Variants in SMOC2 observed in about 807,000 individuals in gnomAD.
The protein encoded by SMOC2 is SPARC-related modular calcium-binding protein 2.
In SMOC2, 39 loss-of-function variants were observed where a neutral mutation model predicts 61.4. That is an observed-to-expected ratio of 0.64 (90% CI 0.49 to 0.83). The LOEUF is 0.83. Among genes scored for constraint, SMOC2 ranks in the 40% least tolerant of loss-of-function variants. The pLI is 0.00. For missense variants in SMOC2, 556 were observed against 592.9 expected (o/e 0.94, Z 0.65); for synonymous variants, 247 against 239.9 (o/e 1.03, Z -0.27).
chr6:168,633,789 C>T (rs1280876628), intron 9 of SMOC2, among the ~76,000 whole-genome samples: 1 of 152,106 alleles, frequency 6.6e-6, no homozygotes, highest in Non-Finnish European at 1.5e-5. Flanking sequence ...GGTTATGGCA[C>T]GGTGCTATGG....
intron 1 of SMOC2, among the ~76,000 whole-genome samples, chr6:168,490,788 G>A (rs1382672202): frequency 1.3e-5 from 2 of 152,160 alleles, no homozygotes; most frequent in Non-Finnish European, 2.9e-5. Flanking sequence ...CTGACCACAC[G>A]CTTACTGTGG....
chr6:168,518,327 G>A (rs903013945), intron 2 of SMOC2, among the ~76,000 whole-genome samples: 1 of 152,042 alleles, frequency 6.6e-6, no homozygotes, highest in African/African-American at 2.4e-5. Context: ...TGTTGCATGT[G>A]TGTATGCCTG....
In SMOC2 at chr6:168,541,363, T is replaced by G. The variant is rs961361806; in HGVS notation, c.464-2262T>G. Reference sequence around the variant, plus strand: ...AGGTGTTCACTGTCTGCAGACACTGTGCGTATCAGTCAACCCTTCTTTCTC... The same window carrying G: ...AGGTGTTCACTGTCTGCAGACACTGGGCGTATCAGTCAACCCTTCTTTCTC... On this transcript the variant is annotated intron_variant, in intron 4 of 12. Coordinates refer to ENST00000356284, the MANE Select transcript of SMOC2 (RefSeq NM_001166412.2). Among the ~76,000 whole-genome samples the G allele has an allele frequency of 4.6e-5, 7 of 152,222 alleles. No individual in the cohort carries two copies. In the South Asian group the frequency reaches 8.3e-4, roughly 18 times the overall value.
intron 7 of SMOC2, among the ~76,000 whole-genome samples, chr6:168,554,423 T>A (rs1317679638): frequency 6.6e-6 from 1 of 152,230 alleles, no homozygotes; most frequent in Non-Finnish European, 1.5e-5. Context: ...AAGCTTCTGT[T>A]AAGCTTCTGC....
chr6:168,542,156 T>A (rs1783888796), intron 4 of SMOC2, among the ~76,000 whole-genome samples: 1 of 152,186 alleles, frequency 6.6e-6, no homozygotes, highest in Non-Finnish European at 1.5e-5. Context: ...AATAAACTGA[T>A]GACTGAGAAG....
intron 7 of SMOC2, among the ~76,000 whole-genome samples, chr6:168,557,364 A>C (rs990106605): frequency 1.3e-5 from 2 of 152,220 alleles, no homozygotes; most frequent in Non-Finnish European, 2.9e-5. Context: ...AATTTATCCA[A>C]TTTTCATAAT....
At chr6:168,610,094 A>C (rs2115207059) in intron 9 of SMOC2, among the ~76,000 whole-genome samples, 1 of 152,326 alleles carries the variant, frequency 6.6e-6, no homozygotes, top group Admixed American at 6.5e-5. Flanking sequence ...CTTGATATTG[A>C]GAAACATGAT....
At chr6:168,569,978 A>G (rs1784626881) in intron 7 of SMOC2, among the ~76,000 whole-genome samples, 1 of 152,196 alleles carries the variant, frequency 6.6e-6, no homozygotes, top group African/African-American at 2.4e-5. Context: ...GGAGTTGTAC[A>G]GTTCTGTGTT....
chr6:168,490,286 C>G (rs916670139), intron 1 of SMOC2, among the ~76,000 whole-genome samples: 1 of 152,160 alleles, frequency 6.6e-6, no homozygotes, highest in Non-Finnish European at 1.5e-5. Context: ...ATCAAATCGT[C>G]TGGGTCCCCT....
chr6:168,604,165 A>C (rs2115195343), intron 8 of SMOC2, among the ~76,000 whole-genome samples: 1 of 152,346 alleles, frequency 6.6e-6, no homozygotes, highest in Middle Eastern at 3.4e-3. Context: ...TGGCTGCAAC[A>C]GATCCGGACA....
At chr6:168,495,894 A>C (rs953488598) in intron 1 of SMOC2, among the ~76,000 whole-genome samples, 1 of 151,786 alleles carries the variant, frequency 6.6e-6, no homozygotes, top group Non-Finnish European at 1.5e-5. Context: ...TGGCCTCCTC[A>C]CCGATGAGCG....
At chr6:168,599,501 C>G (rs1190570394) in intron 8 of SMOC2, among the ~76,000 whole-genome samples, 1 of 85,558 alleles carries the variant, frequency 1.2e-5, no homozygotes, top group Non-Finnish European at 2.4e-5. Context: ...CACACACCCA[C>G]TGACACTCAC....
At chr6:168,492,245 C>A (rs1037257095) in intron 1 of SMOC2, among the ~76,000 whole-genome samples, 2 of 152,196 alleles carry the variant, frequency 1.3e-5, no homozygotes, top group Non-Finnish European at 2.9e-5. Flanking sequence ...CATGAGAATA[C>A]CGTTGGCTGG....
intron 1 of SMOC2, among the ~76,000 whole-genome samples, chr6:168,469,747 G>A (rs1456692473): frequency 6.6e-6 from 1 of 152,214 alleles, no homozygotes; most frequent in Admixed American, 6.5e-5. Flanking sequence ...ATGGCCAGCA[G>A]TGCCAAGAGG....
chr6:168,525,077 C>A (rs1392069518), intron 2 of SMOC2, among the ~76,000 whole-genome samples: 1 of 152,218 alleles, frequency 6.6e-6, no homozygotes, highest in Non-Finnish European at 1.5e-5. Context: ...TGTGCTCTCT[C>A]AAGATGCAGG....
At chr6:168,551,294 A>G (rs954679867) in intron 7 of SMOC2, among the ~76,000 whole-genome samples, 1 of 152,126 alleles carries the variant, frequency 6.6e-6, no homozygotes, top group African/African-American at 2.4e-5. Context: ...AGTCTTGGGG[A>G]GTTCTTTATA....
Position 168,509,986 on chromosome 6 carries a change from C to G in SMOC2, c.156C>G (p.Leu52=), listed in dbSNP as rs763894454. The G allele has an allele frequency of 2.4e-5, 39 of 1,614,052 alleles. No homozygotes were observed. The highest frequency in any genetic ancestry group is 3.1e-5 in the Non-Finnish European group (37 of 1,180,024). ...GTGCGGGTTCGCCCCAGAAACCTCT[C>G]TGCGCATCTGACGGAAGGACCTTCC... ...LDCAGSPQKP[L]CASDGRTFLS... Residue 52 remains leucine (L), a synonymous_variant, in exon 2 of 13, where the codon CTC becomes CTG. Transcript: ENST00000356284.
chr6:168,657,570 C>T (rs1044171151), intron 11 of SMOC2, among the ~76,000 whole-genome samples: 9 of 152,190 alleles, frequency 5.9e-5, no homozygotes, highest in East Asian at 1.9e-4. Context: ...TACTGCCACC[C>T]GATACTGCTT....
In SMOC2 at chr6:168,512,246, G is replaced by A. The variant is rs140154476; in HGVS notation, c.256+2160G>A. ...GGGAAATGGAAAGACACAGGAAGTC[G>A]TGGGCAGAACAGGGATGGATGCAAA... is the stretch of plus-strand genomic sequence containing the variant. On this transcript the variant is annotated intron_variant, in intron 2 of 12. Coordinates refer to ENST00000356284, the MANE Select transcript of SMOC2 (RefSeq NM_001166412.2). Among the ~76,000 whole-genome samples the A allele has an allele frequency of 2.9e-3, 436 of 152,204 alleles. 2 individuals are homozygous for A. Among genetic ancestry groups the A allele is most frequent in the Non-Finnish European group, 4.4e-3 (299 of 68,008 alleles).
Sources: gnomAD v4.1 joint callset for allele counts (sites outside exome capture counted in the v4.1 genomes callset) on GRCh38, gnomAD v4.1.1 for gene constraint, MANE v1.5 for transcripts, NCBI Gene and HGNC (gene_info 2026-07-23, HGNC 2026-07-21) for gene names.